Variants in USP3 observed in about 807,000 individuals in gnomAD.
The protein encoded by USP3 is ubiquitin specific peptidase 3.
Under a neutral mutation model 72.3 loss-of-function variants are expected in USP3, and 20 were observed. That is an observed-to-expected ratio of 0.28 (90% CI 0.19 to 0.40). The LOEUF is 0.40. Ranked by LOEUF, USP3 falls within the 10% of genes least tolerant of loss-of-function variation. The pLI is 1.00. For missense variants in USP3, 479 were observed against 633.9 expected, an observed-to-expected ratio of 0.76 and a Z score of 2.62; for synonymous variants, 222 against 225.3, an observed-to-expected ratio of 0.99 and a Z score of 0.13.
At chr15:63,554,253 C>A (rs971205097) in intron 4 of USP3, among the ~76,000 whole-genome samples, 1 of 152,176 alleles carries the variant, frequency 6.6e-6, no homozygotes, top group Non-Finnish European at 1.5e-5. Flanking sequence ...CACTTTGCAT[C>A]TATACAGTGG....
chr15:63,525,409 C>T (rs1001279028), intron 1 of USP3, among the ~76,000 whole-genome samples: 4 of 152,192 alleles, frequency 2.6e-5, no homozygotes, highest in Non-Finnish European at 5.9e-5. Context: ...GCCCTGTTCC[C>T]TGGGAACCTA....
At chr15:63,527,565 T>C (rs923105959) in intron 1 of USP3, among the ~76,000 whole-genome samples, 6 of 152,242 alleles carry the variant, frequency 3.9e-5, no homozygotes, top group African/African-American at 1.4e-4. Context: ...GAATATCAAA[T>C]ATCCTCTATT....
At chr15:63,536,526 A>G (rs1196973544) in intron 2 of USP3, among the ~76,000 whole-genome samples, 5 of 152,128 alleles carry the variant, frequency 3.3e-5, no homozygotes, top group Non-Finnish European at 5.9e-5. Context: ...ACTGAAACCA[A>G]TTTGCATAGA....
At chr15:63,505,835 T>C (rs2065706060) in intron 1 of USP3, among the ~76,000 whole-genome samples, 1 of 152,210 alleles carries the variant, frequency 6.6e-6, no homozygotes, top group African/African-American at 2.4e-5. Flanking sequence ...AATTGTGCAC[T>C]TCAGAAATCT....
At chr15:63,533,366 T>A (rs2152659515) in intron 2 of USP3, among the ~76,000 whole-genome samples, 1 of 152,252 alleles carries the variant, frequency 6.6e-6, no homozygotes, top group Admixed American at 6.5e-5. Context: ...CCCACCCCAG[T>A]TTAAACCTGA....
Position 63,570,489 on chromosome 15 carries a change from A to T in USP3, c.818A>T (p.His273Leu). Residue 273 changes from histidine (H) to leucine (L), a missense_variant, in exon 9 of 15, where the codon CAC (histidine) becomes CTC (leucine). By Grantham distance (99) the His-to-Leu change is moderately conservative (BLOSUM62 -3). Coordinates refer to ENST00000380324, the MANE Select transcript of USP3 (RefSeq NM_006537.4). The surrounding 1 kb of genome is among the most constrained non-coding windows in gnomAD (Gnocchi z 4.4). Reference sequence around the variant, plus strand: ...ATGCGCTACCTTTTGGACCACCTACACTTGGAACTTCAGGGCGGTTTCAAC... The same window carrying T: ...ATGCGCTACCTTTTGGACCACCTACTCTTGGAACTTCAGGGCGGTTTCAAC... ...EFMRYLLDHL[H>L]LELQGGFNGV... The T allele has an allele frequency of 6.2e-7, 1 of 1,614,154 alleles. No individual in the cohort carries two copies. Among genetic ancestry groups the T allele is most frequent in the Non-Finnish European group, 8.5e-7 (1 of 1,180,030 alleles).
At chr15:63,516,749 A>C (rs1162109182) in intron 1 of USP3, among the ~76,000 whole-genome samples, 1 of 151,132 alleles carries the variant, frequency 6.6e-6, no homozygotes, top group East Asian at 1.9e-4. Flanking sequence ...CATCCTCTGT[A>C]TTCTGAAATT....
At chr15:63,540,890 CTGTT>C (rs2066235405) in intron 3 of USP3, among the ~76,000 whole-genome samples, 1 of 152,154 alleles carries the variant, frequency 6.6e-6, no homozygotes. Context: ...GTTTAGTTTA[CTGTT>C]TGTTAGGTAA....
At chr15:63,559,481 A>G (rs925519720) in intron 6 of USP3, among the ~76,000 whole-genome samples, 2 of 152,208 alleles carry the variant, frequency 1.3e-5, no homozygotes, top group African/African-American at 2.4e-5. Context: ...TAGTGTATCA[A>G]AATAATATGG....
intron 8 of USP3, among the ~76,000 whole-genome samples, chr15:63,568,315 G>A (rs898689711): frequency 7.5e-5 from 11 of 146,546 alleles, no homozygotes; most frequent in South Asian, 2.1e-4. Flanking sequence ...AGATAGCACC[G>A]TTGCACTCCA....
chr15:63,547,909 G>GCATAGAGAGAGT (rs2066374846), intron 3 of USP3, among the ~76,000 whole-genome samples: 1 of 91,938 alleles, frequency 1.1e-5, no homozygotes, highest in Non-Finnish European at 2.4e-5. Flanking sequence ...ATAGAGAGAG[G>GCATAGAGAGAGT]CATATAGTGG....
At chr15:63,559,477 A>C (rs1367801751) in intron 6 of USP3, among the ~76,000 whole-genome samples, 1 of 152,208 alleles carries the variant, frequency 6.6e-6, no homozygotes, top group Non-Finnish European at 1.5e-5. Context: ...TGTATAGTGT[A>C]TCAAAATAAT....
intron 11 of USP3, among the ~76,000 whole-genome samples, chr15:63,583,540 G>A (rs1379384046): frequency 6.6e-6 from 1 of 152,156 alleles, no homozygotes; most frequent in Non-Finnish European, 1.5e-5. Flanking sequence ...GTGTAATTCA[G>A]TGGCATTAAG....
intron 11 of USP3, among the ~76,000 whole-genome samples, chr15:63,585,708 T>G (rs28883950): frequency 6.6e-6 from 1 of 152,194 alleles, no homozygotes; most frequent in Non-Finnish European, 1.5e-5. Flanking sequence ...TGCAAGGTCA[T>G]CTGGATTTTT....
At chr15:63,583,997 GA>G (rs1250734216) in intron 11 of USP3, among the ~76,000 whole-genome samples, 1 of 150,724 alleles carries the variant, frequency 6.6e-6, no homozygotes, top group Non-Finnish European at 1.5e-5. Context: ...TGGAATCGCT[GA>G]ATCATAATTC....
At chr15:63,551,146 C>G (rs1306528447) in intron 3 of USP3, 3 of 152,090 alleles carry the variant, frequency 2.0e-5, no homozygotes, top group Non-Finnish European at 4.4e-5. Flanking sequence ...TGACTGAAGC[C>G]AGTTCATATT....
chr15:63,560,503 T>A (rs1341748799), intron 7 of USP3, among the ~76,000 whole-genome samples: 1 of 152,082 alleles, frequency 6.6e-6, no homozygotes, highest in African/African-American at 2.4e-5. Context: ...CTCTGCAGAT[T>A]TGGGCATTCT....
intron 1 of USP3, among the ~76,000 whole-genome samples, chr15:63,509,092 G>C (rs1159763502): frequency 6.6e-6 from 1 of 152,164 alleles, no homozygotes; most frequent in Non-Finnish European, 1.5e-5. Context: ...GTGATAAAGA[G>C]AAGAAATCAA....
At chr15:63,536,027 G>A (rs556860546) in intron 2 of USP3, among the ~76,000 whole-genome samples, 1 of 152,310 alleles carries the variant, frequency 6.6e-6, no homozygotes, top group South Asian at 2.1e-4. Context: ...AGACGAAGGT[G>A]TAGATGGATT....
Sources: gnomAD v4.1 joint callset for allele counts (sites outside exome capture counted in the v4.1 genomes callset) on GRCh38, gnomAD v4.1.1 for gene constraint, Gnocchi (gnomAD v3.1) non-coding constraint, MANE v1.5 for transcripts, NCBI Gene and HGNC (gene_info 2026-07-23, HGNC 2026-07-21) for gene names.